Variants in STRN observed in about 807,000 individuals in gnomAD.
STRN encodes striatin.
STRN carries 53 observed loss-of-function variants against 96.3 expected under a neutral mutation model. The observed-to-expected ratio is 0.55, with a 90% CI of 0.44 to 0.69. STRN has a LOEUF of 0.69. Ranked by LOEUF, STRN falls within the 30% of genes least tolerant of loss-of-function variation. The probability of loss-of-function intolerance (pLI) is 0.00; values close to 1 mark genes in which losing one functional copy is unlikely to be tolerated. For synonymous variants in STRN, 428 were observed against 355.9 expected, an observed-to-expected ratio of 1.20 and a Z score of -2.28; for missense variants, 987 against 963.9, an observed-to-expected ratio of 1.02 and a Z score of -0.32.
At chr2:36,919,819 T>C (rs1004695973) in intron 2 of STRN, among the ~76,000 whole-genome samples, 7 of 152,222 alleles carry the variant, frequency 4.6e-5, no homozygotes, top group Non-Finnish European at 1.0e-4. Context: ...ATTGTATTTA[T>C]ATAGTATTTG....
At chr2:36,857,014 C>CTT (rs112130276) in intron 14 of STRN, among the ~76,000 whole-genome samples, 1 of 144,836 alleles carries the variant, frequency 6.9e-6, no homozygotes, top group African/African-American at 2.5e-5. Flanking sequence ...CCAATTAAAC[C>CTT]TTTTTTTTTT....
At chr2:36,854,549 TCACACATGCATGTG>T (rs1668297607) in intron 15 of STRN, among the ~76,000 whole-genome samples, 2 of 152,310 alleles carry the variant, frequency 1.3e-5, no homozygotes, top group East Asian at 3.9e-4. Context: ...ATGTACATGT[TCACACATGCATGTG>T]CACACACACA....
At chr2:36,912,820 C>T (rs1232105693) in intron 3 of STRN, among the ~76,000 whole-genome samples, 4 of 152,164 alleles carry the variant, frequency 2.6e-5, no homozygotes, top group Non-Finnish European at 5.9e-5. Context: ...CAAAAGTGAA[C>T]CCACCATTTT....
intron 6 of STRN, among the ~76,000 whole-genome samples, chr2:36,895,748 TA>T (rs1485051939): frequency 3.6e-5 from 2 of 56,210 alleles, no homozygotes; most frequent in Admixed American, 5.6e-4. Flanking sequence ...CCGTCTCTAC[TA>T]AAAATACAAA....
At chr2:36,922,036 G>A (rs897058742) in intron 2 of STRN, among the ~76,000 whole-genome samples, 2 of 152,100 alleles carry the variant, frequency 1.3e-5, no homozygotes, top group South Asian at 4.1e-4. Context: ...ATAAGGAAAT[G>A]TCCTTGCTCT....
chr2:36,965,954 T>C (rs1360323489), intron 1 of STRN, among the ~76,000 whole-genome samples: 2 of 150,594 alleles, frequency 1.3e-5, no homozygotes, highest in African/African-American at 2.4e-5. Flanking sequence ...GGCCAGAGAG[T>C]TGAAATGAGT....
At chr2:36,883,422 A>T (rs1669130615) in intron 9 of STRN, among the ~76,000 whole-genome samples, 1 of 152,148 alleles carries the variant, frequency 6.6e-6, no homozygotes, top group Non-Finnish European at 1.5e-5. Flanking sequence ...ATGCCACTGC[A>T]CTCCAGCCTG....
intron 10 of STRN, among the ~76,000 whole-genome samples, chr2:36,876,676 G>A (rs1368131228): frequency 2.6e-5 from 4 of 151,990 alleles, no homozygotes; most frequent in African/African-American, 9.7e-5. Flanking sequence ...AATAAGGCAG[G>A]TTATAAATAC....
rs1667879092 is a variant in STRN at position 36,838,804 on chromosome 2, G to A, written c.*10652C>T. ...TTGTAATAATAAAAAGGAAATAAGA[G>A]CTATGATAGACTTAGAGAAATTCTC... On this transcript the variant is annotated 3_prime_UTR_variant, in exon 18 of 18. Coordinates refer to ENST00000263918, the MANE Select transcript of STRN (RefSeq NM_003162.4). Among the ~76,000 whole-genome samples the A allele has an allele frequency of 6.6e-6, 1 of 152,182 alleles. No individual in the cohort carries two copies. Among genetic ancestry groups the A allele is most frequent in the South Asian group, 2.1e-4 (1 of 4,834 alleles).
intron 7 of STRN, among the ~76,000 whole-genome samples, chr2:36,888,859 T>A (rs773254949): frequency 6.6e-6 from 1 of 151,906 alleles, no homozygotes; most frequent in South Asian, 2.1e-4. Flanking sequence ...TTTTAAAAAA[T>A]TTTTTGTAGA....
intron 3 of STRN, among the ~76,000 whole-genome samples, chr2:36,913,454 C>A (rs555842933): frequency 6.6e-6 from 1 of 152,280 alleles, no homozygotes; most frequent in South Asian, 2.1e-4. Flanking sequence ...TTTACTTGCC[C>A]TGGTTAATTC....
chr2:36,940,327 C>T (rs1670813456), intron 1 of STRN, among the ~76,000 whole-genome samples: 1 of 152,070 alleles, frequency 6.6e-6, no homozygotes, highest in Admixed American at 6.6e-5. Context: ...CCAGATTCTA[C>T]TCAGAAACAA....
chr2:36,849,375 G>A lies in STRN; in HGVS notation c.*81C>T. 2 of 1,492,056 alleles carry A rather than the reference G, an allele frequency of 1.3e-6. No individual in the cohort carries two copies. The highest frequency in any genetic ancestry group is 9.1e-7 in the Non-Finnish European group (1 of 1,093,112). The allele number at this position is 1,492,056 out of a possible 1,614,324, so 92.4% of individuals were successfully genotyped here. On this transcript the variant is annotated 3_prime_UTR_variant, in exon 18 of 18. Transcript: ENST00000263918. ...GCAGAACAAAAGGGCAGGACGAGAT[G>A]ATTCTTGCCCTCGTCTTCTGTATCT...
Position 36,925,303 on chromosome 2 carries a change from T to C in STRN, c.235-95A>G, listed in dbSNP as rs1670380699. ...ACCATTGGAAGTTTGAACAATTAGA[T>C]GCAAAAATATTTCCTTTACACATTT... On this transcript the variant is annotated intron_variant, in intron 1 of 17. Coordinates refer to ENST00000263918, the MANE Select transcript of STRN (RefSeq NM_003162.4). The C allele has an allele frequency of 2.6e-5, 20 of 757,670 alleles. No individual in the cohort carries two copies. In the South Asian group the frequency reaches 2.9e-4, roughly 11 times the overall value. 46.9% of individuals were successfully genotyped at this position (757,670 alleles called of 1,614,324 possible). A position where few individuals can be genotyped will look rare whatever the true frequency, so the allele number is the denominator to read the frequency against.
At chr2:36,887,407 T>G (rs968366755) in intron 7 of STRN, among the ~76,000 whole-genome samples, 1 of 151,674 alleles carries the variant, frequency 6.6e-6, no homozygotes, top group African/African-American at 2.4e-5. Context: ...GAGGCGGAGG[T>G]TGCAATGAGC....
chr2:36,891,280 G>C (rs1021665359), intron 7 of STRN, among the ~76,000 whole-genome samples: 1 of 152,138 alleles, frequency 6.6e-6, no homozygotes, highest in East Asian at 1.9e-4. Flanking sequence ...TAATCCCAGC[G>C]CTTTGGGAGG....
At chr2:36,883,175 C>T (rs1286568318) in intron 9 of STRN, among the ~76,000 whole-genome samples, 1 of 152,074 alleles carries the variant, frequency 6.6e-6, no homozygotes, top group African/African-American at 2.4e-5. Context: ...ACATGTGAGG[C>T]CAGGCATGGT....
At chr2:36,880,925 C>G (rs2148169161) in intron 9 of STRN, among the ~76,000 whole-genome samples, 1 of 152,172 alleles carries the variant, frequency 6.6e-6, no homozygotes, top group East Asian at 1.9e-4. Context: ...AGTGGACAGC[C>G]AGGACACTCC....
At chr2:36,938,429 T>TA (rs1317648334) in intron 1 of STRN, among the ~76,000 whole-genome samples, 3,850 of 137,576 alleles carry the variant, frequency 0.028, 53 homozygotes, top group African/African-American at 0.03. Context: ...CTGTCTCAAT[T>TA]AAAAAAAAAA....
Sources: allele counts gnomAD v4.1 joint callset (sites outside exome capture counted in the v4.1 genomes callset), GRCh38; gene constraint gnomAD v4.1.1; transcripts MANE v1.5; gene names NCBI Gene and HGNC (gene_info 2026-07-23, HGNC 2026-07-21).